Variants in LMBRD1 observed in about 807,000 individuals in gnomAD.
The protein encoded by LMBRD1 is lysosomal cobalamin transport escort protein LMBD1.
In LMBRD1, 64 loss-of-function variants were observed where a neutral mutation model predicts 74.8. The observed-to-expected ratio is 0.86, with a 90% CI of 0.70 to 1.05. The LOEUF (loss-of-function observed/expected upper bound fraction) is 1.05, where lower values mean the gene tolerates loss of function less well. LMBRD1 is among the 50% of genes least tolerant of loss of function. The pLI is 0.00. For synonymous variants in LMBRD1, 204 were observed against 216.3 expected (o/e 0.94, Z 0.50); for missense variants, 652 against 645.9 (o/e 1.01, Z -0.10).
At chr6:69,691,875 C>CAAA (rs34100007) in intron 14 of LMBRD1, among the ~76,000 whole-genome samples, 41 of 64,890 alleles carry the variant, frequency 6.3e-4, no homozygotes, top group Non-Finnish European at 8.4e-4. Flanking sequence ...GACTCCGTCT[C>CAAA]AAAAAAAAAA....
chr6:69,768,451 A>AAT (rs1222743878), intron 3 of LMBRD1, among the ~76,000 whole-genome samples: 1 of 146,136 alleles, frequency 6.8e-6, no homozygotes, highest in African/African-American at 2.8e-5. Flanking sequence ...ATACAGGCAA[A>AAT]ATATATATTT....
At chr6:69,696,783 T>C (rs953492434) in intron 14 of LMBRD1, among the ~76,000 whole-genome samples, 6 of 152,158 alleles carry the variant, frequency 3.9e-5, no homozygotes, top group Non-Finnish European at 5.9e-5. Context: ...CATTACATAG[T>C]TGACCCTGCT....
chr6:69,725,116 T>G (rs1766698599), intron 7 of LMBRD1, among the ~76,000 whole-genome samples: 1 of 151,984 alleles, frequency 6.6e-6, no homozygotes. Context: ...CCATTTACAA[T>G]AGCCCCAAAT....
At chr6:69,765,534 G>A (rs1765460347) in intron 3 of LMBRD1, among the ~76,000 whole-genome samples, 1 of 152,102 alleles carries the variant, frequency 6.6e-6, no homozygotes, top group Admixed American at 6.6e-5. Flanking sequence ...TTTGAGATCT[G>A]AGGATGTAAT....
chr6:69,679,074 A>AC (rs1174142808), intron 14 of LMBRD1, among the ~76,000 whole-genome samples: 16 of 151,664 alleles, frequency 1.1e-4, no homozygotes, highest in East Asian at 9.7e-4. Context: ...AAACAAACAA[A>AC]AAAAATCACA....
At chr6:69,778,670 T>C (rs892152534) in intron 3 of LMBRD1, among the ~76,000 whole-genome samples, 2 of 152,206 alleles carry the variant, frequency 1.3e-5, no homozygotes, top group Admixed American at 6.5e-5. Context: ...GAAGTATTTA[T>C]ATTCTATTTA....
rs1765382544 is a variant in LMBRD1, at chr6:69,761,888, TAC to T, written c.308-9534_308-9533del. On this transcript the variant is annotated intron_variant, in intron 3 of 15. Transcript: ENST00000649934. ...TTTATATGCATAGAATTATATAAGA[TAC>T]AGTCTTCTGCATCTGGCTTCCTTCA... Among the ~76,000 whole-genome samples the T allele has an allele frequency of 2.6e-5, 4 of 152,204 alleles. No homozygotes were observed. In the South Asian group the frequency reaches 8.3e-4, roughly 31 times the overall value.
chr6:69,740,913 C>T (rs1267997889), intron 6 of LMBRD1, among the ~76,000 whole-genome samples: 3 of 151,924 alleles, frequency 2.0e-5, no homozygotes, highest in East Asian at 1.9e-4. Context: ...TAACCTAATC[C>T]GTGAGCCTTT....
chr6:69,688,743 A>AT (rs772634246), intron 14 of LMBRD1, among the ~76,000 whole-genome samples: 133 of 128,618 alleles, frequency 1.0e-3, no homozygotes, highest in Non-Finnish European at 2.1e-3. Context: ...AAAGATATTT[A>AT]TTTAAAAAAA....
chr6:69,751,961 G>T (rs1765167728), intron 4 of LMBRD1, among the ~76,000 whole-genome samples: 1 of 129,408 alleles, frequency 7.7e-6, no homozygotes, highest in East Asian at 2.8e-4. Context: ...TTGAAATGTG[G>T]CTAGCTTGAT....
intron 3 of LMBRD1, among the ~76,000 whole-genome samples, chr6:69,772,777 A>G (rs1444595473): frequency 6.6e-6 from 1 of 152,178 alleles, no homozygotes; most frequent in African/African-American, 2.4e-5. Flanking sequence ...GCACTGAAAT[A>G]TATTATTAGA....
At chr6:69,689,983 G>A (rs562542779) in intron 14 of LMBRD1, among the ~76,000 whole-genome samples, 70 of 151,856 alleles carry the variant, frequency 4.6e-4, no homozygotes, top group African/African-American at 1.5e-3. Context: ...CAAAATCCAC[G>A]GATACTCAAA....
rs115961205 is a variant in LMBRD1 at position 69,785,555 on chromosome 6, A to G, written c.246+4741T>C. On this transcript the variant is annotated intron_variant, in intron 2 of 15. Transcript: ENST00000649934. ...CTAAGTTTCCCTATTTCTCTAAGGT[A>G]TACAAAAACCTAGGCATCAGTGCTC... Among the ~76,000 whole-genome samples the G allele has an allele frequency of 4.6e-3, 707 of 152,294 alleles. 2 individuals carry two copies. Among genetic ancestry groups the G allele is most frequent in the African/African-American group, 0.016 (653 of 41,578 alleles).
At chr6:69,683,031 C>A (rs1432293241) in intron 14 of LMBRD1, among the ~76,000 whole-genome samples, 3 of 151,998 alleles carry the variant, frequency 2.0e-5, no homozygotes, top group Admixed American at 6.6e-5. Context: ...TACTGGAGAA[C>A]TTAGAAAGCA....
chr6:69,738,489 A>G (rs1279954147), intron 6 of LMBRD1, among the ~76,000 whole-genome samples: 1 of 152,156 alleles, frequency 6.6e-6, no homozygotes, highest in Non-Finnish European at 1.5e-5. Context: ...TAGATAATCA[A>G]AAACTAAAAT....
intron 9 of LMBRD1, among the ~76,000 whole-genome samples, chr6:69,702,377 GAAGT>G (rs1766153314): frequency 6.6e-6 from 1 of 151,358 alleles, no homozygotes; most frequent in African/African-American, 2.4e-5. Context: ...TTTTCCCATA[GAAGT>G]AATAATATAT....
At chr6:69,681,977 C>CTA (rs779196482) in intron 14 of LMBRD1, among the ~76,000 whole-genome samples, 1 of 151,670 alleles carries the variant, frequency 6.6e-6, no homozygotes, top group Admixed American at 6.6e-5. Context: ...AGTTAGAAGA[C>CTA]TATACAACTG....
intron 3 of LMBRD1, among the ~76,000 whole-genome samples, chr6:69,778,879 C>G (rs1765764259): frequency 6.6e-6 from 1 of 152,026 alleles, no homozygotes; most frequent in African/African-American, 2.4e-5. Flanking sequence ...GGCAAAGGAG[C>G]AAAGCAGCTG....
intron 2 of LMBRD1, among the ~76,000 whole-genome samples, chr6:69,781,654 A>T (rs977288000): frequency 2.0e-5 from 3 of 152,216 alleles, no homozygotes; most frequent in Admixed American, 2.0e-4. Flanking sequence ...AGCACAATAA[A>T]AACAATATGT....
Sources: gnomAD v4.1 joint callset for allele counts (sites outside exome capture counted in the v4.1 genomes callset) on GRCh38, gnomAD v4.1.1 for gene constraint, MANE v1.5 for transcripts, NCBI Gene and HGNC (gene_info 2026-07-23, HGNC 2026-07-21) for gene names.